Variants in PARD3B observed in about 807,000 individuals in gnomAD.
PARD3B encodes the protein partitioning defective 3 homolog B.
In PARD3B, 103 loss-of-function variants were observed where a neutral mutation model predicts 130.2. That is an observed-to-expected ratio of 0.79 (90% confidence interval 0.67 to 0.93). The LOEUF is 0.93. PARD3B is among the 40% of genes least tolerant of loss of function. PARD3B has a pLI of 0.00. For missense variants in PARD3B, 1,609 were observed against 1,499.2 expected (o/e 1.07, Z -1.21); for synonymous variants, 583 against 553.2 (o/e 1.05, Z -0.76).
At chr2:204,640,733 T>C (rs7603478) in intron 1 of PARD3B, among the ~76,000 whole-genome samples, 18,548 of 151,860 alleles carry the variant, frequency 0.12, 2,701 homozygotes, top group African/African-American at 0.35. Flanking sequence ...AGACCAGCTC[T>C]CTCATTTAGA....
intron 1 of PARD3B, among the ~76,000 whole-genome samples, chr2:204,561,612 T>TTTTTA (rs2031313928): frequency 6.8e-6 from 1 of 147,504 alleles, no homozygotes; most frequent in African/African-American, 2.6e-5. Context: ...TTTTTTTTTT[T>TTTTTA]GAGATGGAGT....
intron 1 of PARD3B, among the ~76,000 whole-genome samples, chr2:204,553,965 C>T (rs1050369728): frequency 6.6e-6 from 1 of 151,604 alleles, no homozygotes; most frequent in East Asian, 1.9e-4. Flanking sequence ...GATGGATGCA[C>T]CAAAATCTCA....
intron 1 of PARD3B, among the ~76,000 whole-genome samples, chr2:204,580,572 T>C (rs1296780894): frequency 2.0e-5 from 3 of 152,184 alleles, no homozygotes; most frequent in African/African-American, 7.2e-5. Flanking sequence ...ACAGCAGATA[T>C]ACAAATAACT....
chr2:204,899,481 A>T (rs62179372), intron 2 of PARD3B, among the ~76,000 whole-genome samples: 30,165 of 152,114 alleles, frequency 0.2, 3,530 homozygotes, highest in Non-Finnish European at 0.26. Context: ...TTGCGTAAGC[A>T]TACAAGCAAG....
chr2:204,973,704 G>A (rs1691909349), intron 3 of PARD3B, among the ~76,000 whole-genome samples: 2 of 152,138 alleles, frequency 1.3e-5, no homozygotes, highest in African/African-American at 4.8e-5. Flanking sequence ...AAAGCCTTAT[G>A]ATGAATTATG....
At position 205,149,781 on chromosome 2, in the gene PARD3B, G is replaced by T. The variant is rs2033618613; in HGVS notation, c.1435-8941G>T. On this transcript the variant is annotated intron_variant, in intron 10 of 22. Transcript: ENST00000406610. ...AATTTGACTGCATTTGCCAATTGTT[G>T]ATTCAGGGCAGTAGTTCTTAATTGG... Among the ~76,000 whole-genome samples the T allele has an allele frequency of 3.3e-5, 5 of 152,146 alleles. No homozygotes were observed. In the South Asian group the frequency reaches 1.0e-3, roughly 32 times the overall value.
chr2:205,165,145 A>G (rs1331002598), intron 11 of PARD3B, among the ~76,000 whole-genome samples: 1 of 152,176 alleles, frequency 6.6e-6, no homozygotes, highest in Non-Finnish European at 1.5e-5. Context: ...TGCTTTAACA[A>G]GCTTCTTTTT....
rs1330762968 is a variant in PARD3B, at chr2:205,229,666, T to A, written c.2141-16112T>A. 6.6e-6 allele frequency among the ~76,000 whole-genome samples: 1 copy of A among 152,120 alleles called. No homozygotes were observed. The highest frequency in any genetic ancestry group is 1.5e-5 in the Non-Finnish European group (1 of 68,026). On this transcript the variant is annotated intron_variant, in intron 15 of 22. Transcript: ENST00000406610. The surrounding 1 kb of genome is among the most constrained non-coding windows in gnomAD (Gnocchi z 5.2). ...AGGCTCACAGTAACCACTGCCTGGC[T>A]ACCACCTACATTTGCTTAGGACACT... is the stretch of plus-strand genomic sequence containing the variant.
chr2:204,813,079 C>G (rs1235481298), intron 2 of PARD3B, among the ~76,000 whole-genome samples: 1 of 152,076 alleles, frequency 6.6e-6, no homozygotes, highest in African/African-American at 2.4e-5. Flanking sequence ...TTGTAAATAT[C>G]TAGAGAGGAA....
chr2:204,586,061 C>T (rs183937208), intron 1 of PARD3B, among the ~76,000 whole-genome samples: 20 of 152,348 alleles, frequency 1.3e-4, no homozygotes, highest in African/African-American at 4.3e-4. Flanking sequence ...GGAGCTGAGC[C>T]TTGCCAGCCT....
chr2:205,047,754 G>T, intron 4 of PARD3B, 64 bp downstream of exon 4: 1 of 1,204,752 alleles, frequency 8.3e-7, no homozygotes, highest in South Asian at 1.4e-5. Context: ...AGGTTAAGTG[G>T]GACTTTGCAG....
chr2:204,891,564 A>C (rs1196463787), intron 2 of PARD3B, among the ~76,000 whole-genome samples: 1 of 152,176 alleles, frequency 6.6e-6, no homozygotes, highest in Non-Finnish European at 1.5e-5. Flanking sequence ...AAATAATGCA[A>C]ATATTTTCAC....
chr2:204,688,357 A>C (rs570632322), intron 2 of PARD3B, among the ~76,000 whole-genome samples: 1 of 152,174 alleles, frequency 6.6e-6, no homozygotes, highest in South Asian at 2.1e-4. Flanking sequence ...AGGTGGGTGG[A>C]TCACGAGGTC....
At chr2:204,975,573 G>A (rs1692072144) in intron 3 of PARD3B, among the ~76,000 whole-genome samples, 1 of 152,182 alleles carries the variant, frequency 6.6e-6, no homozygotes, top group South Asian at 2.1e-4. Flanking sequence ...GCCTAGTCTG[G>A]ACGTACTTCT....
At chr2:205,165,001 A>G (rs1434666898) in intron 11 of PARD3B, among the ~76,000 whole-genome samples, 4 of 152,162 alleles carry the variant, frequency 2.6e-5, no homozygotes, top group African/African-American at 7.2e-5. Context: ...CAATCTCAGT[A>G]TAAGCAAGTG....
intron 16 of PARD3B, among the ~76,000 whole-genome samples, chr2:205,279,062 A>G (rs1356499235): frequency 2.2e-5 from 2 of 89,468 alleles, no homozygotes; most frequent in African/African-American, 8.1e-5. Context: ...CAGAGCAAGA[A>G]TCTGTCTCAA....
At chr2:205,069,332 A>G (rs1700577746) in intron 4 of PARD3B, among the ~76,000 whole-genome samples, 1 of 152,010 alleles carries the variant, frequency 6.6e-6, no homozygotes, top group Admixed American at 6.6e-5. Context: ...TGGTTTTACC[A>G]TAGGCATGTC....
At chr2:204,730,058 A>G (rs929876537) in intron 2 of PARD3B, among the ~76,000 whole-genome samples, 7 of 149,856 alleles carry the variant, frequency 4.7e-5, no homozygotes, top group East Asian at 2.0e-4. Flanking sequence ...TGGGTTTTGC[A>G]TAGTTAATTT....
At chr2:204,560,119 A>G (rs57940164) in intron 1 of PARD3B, among the ~76,000 whole-genome samples, 4,013 of 152,276 alleles carry the variant, frequency 0.026, 192 homozygotes, top group African/African-American at 0.09. Context: ...GCAGACCAGC[A>G]TGGCATATGT....
Sources: allele counts gnomAD v4.1 joint callset (sites outside exome capture counted in the v4.1 genomes callset), GRCh38; gene constraint gnomAD v4.1.1; non-coding constraint Gnocchi (gnomAD v3.1); transcripts MANE v1.5; gene names NCBI Gene and HGNC (gene_info 2026-07-23, HGNC 2026-07-21).